The following AKNAD1 variants were observed in gnomAD, a reference collection of about 807,000 sequenced individuals.
AKNAD1 encodes protein AKNAD1.
In AKNAD1, 67 loss-of-function variants were observed where a neutral mutation model predicts 90.8. That is an observed-to-expected ratio of 0.74 (90% CI 0.61 to 0.90). The LOEUF (loss-of-function observed/expected upper bound fraction) is 0.90. AKNAD1 is among the 40% of genes least tolerant of loss of function. The probability of loss-of-function intolerance (pLI) is 0.00; values close to 1 mark genes in which losing one functional copy is unlikely to be tolerated. For missense variants in AKNAD1, 957 were observed against 975.4 expected, an observed-to-expected ratio of 0.98 and a Z score of 0.25; for synonymous variants, 327 against 341.4, an observed-to-expected ratio of 0.96 and a Z score of 0.46.
rs76623292 is a variant in AKNAD1 at position 108,843,413 on chromosome 1, G to C, written c.1246-146C>G. The C allele has an allele frequency of 4.6e-5, 45 of 983,460 alleles. No homozygotes were observed. In the East Asian group the frequency reaches 1.0e-3, roughly 23 times the overall value. 60.9% of individuals were successfully genotyped at this position (983,460 alleles called of 1,614,324 possible). On this transcript the variant is annotated intron_variant, in intron 5 of 15. Transcript: ENST00000370001. ...CAGCAGCATAAATTGTTTTGTCTCA[G>C]AGTCTGACATCTAAACTACAGACAA...
intron 3 of AKNAD1, 46 bp from the exon 4 acceptor site, chr1:108,849,106 TCA>T: frequency 2.7e-6 from 4 of 1,500,000 alleles, no homozygotes; most frequent in South Asian, 1.4e-5. Flanking sequence ...TCTCAACTTA[TCA>T]CAGTTTTATT....
chr1:108,827,262 A>C lies in AKNAD1; in HGVS notation c.1879T>G (p.Cys627Gly), dbSNP rs1321638282. The change falls in exon 11 of 16, where the codon TGT (cysteine) becomes GGT (glycine). Residue 627 changes from cysteine (C) to glycine (G), a missense_variant. Coordinates refer to ENST00000370001, the MANE Select transcript of AKNAD1 (RefSeq NM_152763.5). ...VEKKGHGRIN[C>G]GRFSIVLHEK... ...TGAAGGACAATTGAAAATCTTCCAC[A>C]GTTGATCCTTCCGTGGCCCTTTTTC... 1 of 1,611,916 alleles carries C rather than the reference A, an allele frequency of 6.2e-7. No individual in the cohort carries two copies. The highest frequency in any genetic ancestry group is 8.5e-7 in the Non-Finnish European group (1 of 1,179,456).
intron 14 of AKNAD1, among the ~76,000 whole-genome samples, chr1:108,818,142 A>G (rs1663683555): frequency 6.6e-6 from 1 of 152,194 alleles, no homozygotes; most frequent in African/African-American, 2.4e-5. Context: ...TTTCTCAAGC[A>G]TGAGCAGTGG....
intron 1 of AKNAD1, among the ~76,000 whole-genome samples, chr1:108,853,259 G>A (rs1172592772): frequency 1.3e-5 from 2 of 151,260 alleles, no homozygotes; most frequent in African/African-American, 4.9e-5. Flanking sequence ...AGCCTCCCGA[G>A]CAGCCGGGAC....
chr1:108,817,990 T>C (rs1663675850), intron 14 of AKNAD1, among the ~76,000 whole-genome samples: 1 of 152,142 alleles, frequency 6.6e-6, no homozygotes, highest in Non-Finnish European at 1.5e-5. Context: ...TACACTGTGA[T>C]TGGTTCTCTC....
At chr1:108,848,688 T>A (rs1664771678) in intron 5 of AKNAD1, 64 bp downstream of exon 5, 2 of 1,426,314 alleles carry the variant, frequency 1.4e-6, no homozygotes, top group Non-Finnish European at 9.7e-7. Context: ...ACTATAAAGT[T>A]ATTTATCTTT....
In AKNAD1 at chr1:108,823,614, TG is replaced by T. The variant is rs767613407; in HGVS notation, c.2010del (p.Thr671LeufsTer44). The stretch of plus-strand genomic sequence containing the variant: ...GCTCTTCGGGAGGTAGGAATCTTAG[TG>T]CCACAGTCCTGACATTTGTTACTCT... ...EMQSNKCQDC[G>X]TKIPTSRRAC... On this transcript the variant is annotated frameshift_variant, in exon 12 of 16. Coordinates refer to ENST00000370001, the MANE Select transcript of AKNAD1 (RefSeq NM_152763.5). LOFTEE classifies it high-confidence loss of function. 6 of 1,614,194 alleles carry T rather than the reference TG, an allele frequency of 3.7e-6. No homozygotes were observed. In the African/African-American group the frequency reaches 8.0e-5, roughly 22 times the overall value.
rs1365374322 is a variant in AKNAD1, at chr1:108,840,051, T to C, written c.1380-2345A>G. On this transcript the variant is annotated intron_variant, in intron 6 of 15. Transcript: ENST00000370001. ...AAAAAAAAATGCTGTCTTTCACTAA[T>C]ATTAATTATCCAATATTGTTCTGGA... Among the ~76,000 whole-genome samples the C allele has an allele frequency of 3.3e-5, 5 of 151,714 alleles. No homozygotes were observed. The East Asian group carries it at 9.7e-4, about 29-fold the overall frequency.
At chr1:108,837,765 T>C in intron 6 of AKNAD1, 59 bp from the exon 7 acceptor site, 2 of 1,546,236 alleles carry the variant, frequency 1.3e-6, no homozygotes, top group Non-Finnish European at 1.8e-6. Flanking sequence ...TTCTAATTAA[T>C]AATGACAGTT....
intron 11 of AKNAD1, among the ~76,000 whole-genome samples, chr1:108,825,920 C>A (rs1343685387): frequency 6.6e-6 from 1 of 151,612 alleles, no homozygotes; most frequent in East Asian, 2.0e-4. Flanking sequence ...TACGTTTTGG[C>A]AAATATCTTG....
At chr1:108,856,235 G>A (rs1455790034) in intron 1 of AKNAD1, among the ~76,000 whole-genome samples, 1 of 152,018 alleles carries the variant, frequency 6.6e-6, no homozygotes, top group Non-Finnish European at 1.5e-5. Context: ...AATGACCCAA[G>A]TATCAGTCCC....
intron 11 of AKNAD1, 106 bp from the exon 12 acceptor site, chr1:108,823,794 C>T: frequency 2.6e-6 from 4 of 1,534,626 alleles, no homozygotes; most frequent in Middle Eastern, 1.9e-4. Flanking sequence ...GTGTTTGGCA[C>T]CAAAGTGCTT....
chr1:108,849,871 G>C (rs890259458), intron 2 of AKNAD1, among the ~76,000 whole-genome samples: 1 of 152,188 alleles, frequency 6.6e-6, no homozygotes, highest in Non-Finnish European at 1.5e-5. Flanking sequence ...ATAGTATCAG[G>C]CAGGTGGTAA....
At chr1:108,847,463 A>G (rs1056098402) in intron 5 of AKNAD1, among the ~76,000 whole-genome samples, 2 of 149,638 alleles carry the variant, frequency 1.3e-5, no homozygotes, top group African/African-American at 4.9e-5. Context: ...AAAAAAAACA[A>G]AAAAAAAAAC....
intron 7 of AKNAD1, 132 bp downstream of exon 7, chr1:108,837,418 A>G: frequency 2.3e-6 from 2 of 856,376 alleles, no homozygotes; most frequent in Non-Finnish European, 3.5e-6. Context: ...AATATAATTC[A>G]TGGGACTTTG....
In AKNAD1 at chr1:108,819,455, C is replaced by CAAA. The variant is rs34501326; in HGVS notation, c.2249+1087_2249+1089dup. 2.7e-3 allele frequency among the ~76,000 whole-genome samples: 347 copies of CAAA among 130,362 alleles called. 3 individuals carry two copies. Among genetic ancestry groups the CAAA allele is most frequent in the East Asian group, 0.021 (96 of 4,530 alleles). The allele number at this position is 130,362 out of a possible 152,430, so 85.5% of individuals were successfully genotyped here. The stretch of plus-strand genomic sequence containing the variant: ...CAACATAGTAAGACCCCATCTCTAC[C>CAAA]AAAAAAAAAAAAAAAGTAGCTAGCT... On this transcript the variant is annotated intron_variant, in intron 14 of 15. Transcript: ENST00000370001.
At chr1:108,844,952 G>C (rs2101205473) in intron 5 of AKNAD1, among the ~76,000 whole-genome samples, 1 of 152,042 alleles carries the variant, frequency 6.6e-6, no homozygotes, top group Non-Finnish European at 1.5e-5. Context: ...CCAAGTAGCT[G>C]AGATTACAGG....
rs1241940398 is a variant in AKNAD1 at position 108,827,142 on chromosome 1, C to T, written c.1936+63G>A. 8.1e-5 allele frequency: 100 copies of T among 1,233,414 alleles called. 5 individuals are homozygous for T. In the East Asian group the frequency reaches 2.1e-3, roughly 25 times the overall value. 76.4% of individuals were successfully genotyped at this position (1,233,414 alleles called of 1,614,324 possible). A position where few individuals can be genotyped will look rare whatever the true frequency, so the allele number is the denominator to read the frequency against. On this transcript the variant is annotated intron_variant, in intron 11 of 15. Coordinates refer to ENST00000370001, the MANE Select transcript of AKNAD1 (RefSeq NM_152763.5). The stretch of plus-strand genomic sequence containing the variant: ...GCAGATGGCAAGCTGGTGCCTACTG[C>T]GAGCAGACCCCATGGGGAGGGACAC...
intron 6 of AKNAD1, among the ~76,000 whole-genome samples, chr1:108,838,709 A>G (rs1255849615): frequency 6.6e-5 from 10 of 152,292 alleles, no homozygotes; most frequent in Non-Finnish European, 1.2e-4. Flanking sequence ...AACAAATAAC[A>G]TTAAGAATGA....
Sources: gnomAD v4.1 joint callset for allele counts (sites outside exome capture counted in the v4.1 genomes callset) on GRCh38, gnomAD v4.1.1 for gene constraint, MANE v1.5 for transcripts, NCBI Gene and HGNC (gene_info 2026-07-23, HGNC 2026-07-21) for gene names.